DGKB: variants seen among roughly 807,000 people sequenced by gnomAD.
DGKB encodes diacylglycerol kinase beta.
A neutral mutation model predicts 114.3 loss-of-function variants in DGKB; 67 were observed. The observed-to-expected ratio is 0.59, with a 90% CI of 0.48 to 0.72. The LOEUF (loss-of-function observed/expected upper bound fraction) is 0.72, where lower values mean the gene tolerates loss of function less well. Among genes scored for constraint, DGKB ranks in the 30% least tolerant of loss-of-function variants. The pLI, the probability that DGKB is intolerant of heterozygous loss-of-function variation, is 0.00. For missense variants in DGKB, 907 were observed against 975.2 expected, an observed-to-expected ratio of 0.93 and a Z score of 0.93; for synonymous variants, 398 against 323.1, an observed-to-expected ratio of 1.23 and a Z score of -2.49.
chr7:14,161,277 C>G (rs1295874724), intron 25 of DGKB, among the ~76,000 whole-genome samples: 1 of 152,084 alleles, frequency 6.6e-6, no homozygotes, highest in Non-Finnish European at 1.5e-5. Context: ...GATCTAGAAC[C>G]AGAAATACCA....
intron 23 of DGKB, among the ~76,000 whole-genome samples, chr7:14,336,495 C>T (rs1810697466): frequency 6.6e-6 from 1 of 152,036 alleles, no homozygotes; most frequent in Admixed American, 6.6e-5. Context: ...TTAACTATTT[C>T]CCATCTGTGT....
intron 4 of DGKB, among the ~76,000 whole-genome samples, chr7:14,748,962 G>A (rs1021340031): frequency 3.3e-5 from 5 of 152,038 alleles, no homozygotes; most frequent in African/African-American, 1.2e-4. Flanking sequence ...CGCTTACTGG[G>A]CAAAGAACTC....
intron 23 of DGKB, among the ~76,000 whole-genome samples, chr7:14,266,233 CTGAT>C (rs1389809312): frequency 2.6e-5 from 4 of 152,180 alleles, no homozygotes. Context: ...TTATTTTTGA[CTGAT>C]TGATTCTAAG....
chr7:14,704,262 C>G (rs573910826), intron 6 of DGKB, among the ~76,000 whole-genome samples: 1 of 143,972 alleles, frequency 6.9e-6, no homozygotes, highest in African/African-American at 2.6e-5. Context: ...GGTGAAACCC[C>G]GTCTCTACTA....
intron 19 of DGKB, among the ~76,000 whole-genome samples, chr7:14,574,785 T>C (rs1023487541): frequency 6.6e-6 from 1 of 152,168 alleles, no homozygotes; most frequent in Non-Finnish European, 1.5e-5. Flanking sequence ...ATTTTAGACT[T>C]TTCCCTTTCC....
At chr7:14,814,936 C>T (rs2128088922) in intron 2 of DGKB, among the ~76,000 whole-genome samples, 1 of 152,202 alleles carries the variant, frequency 6.6e-6, no homozygotes, top group South Asian at 2.1e-4. Context: ...CTCTTTTATT[C>T]TGGCATTTTA....
chr7:14,233,507 G>T (rs1792239961), intron 23 of DGKB, among the ~76,000 whole-genome samples: 1 of 152,024 alleles, frequency 6.6e-6, no homozygotes, highest in African/African-American at 2.4e-5. Flanking sequence ...CCCACTGGCA[G>T]TCCACGCTCC....
intron 20 of DGKB, among the ~76,000 whole-genome samples, chr7:14,503,357 C>T (rs1270859994): frequency 1.3e-5 from 2 of 152,050 alleles, no homozygotes; most frequent in African/African-American, 4.8e-5. Context: ...ATCACATTTT[C>T]CCAAAGAGGA....
intron 7 of DGKB, among the ~76,000 whole-genome samples, chr7:14,700,110 GAAATGGCACCATA>G (rs1824859143): frequency 6.6e-6 from 1 of 151,878 alleles, no homozygotes; most frequent in South Asian, 2.1e-4. Flanking sequence ...TTCTAGTCGT[GAAATGGCACCATA>G]AAATGAGCAA....
At chr7:14,321,854 G>C (rs1807884112) in intron 23 of DGKB, among the ~76,000 whole-genome samples, 1 of 152,080 alleles carries the variant, frequency 6.6e-6, no homozygotes, top group African/African-American at 2.4e-5. Flanking sequence ...TACATAGAAA[G>C]TTATAAACCA....
At chr7:14,491,217 TG>T (rs1219371136) in intron 20 of DGKB, among the ~76,000 whole-genome samples, 1 of 152,064 alleles carries the variant, frequency 6.6e-6, no homozygotes, top group Non-Finnish European at 1.5e-5. Context: ...AATTTAATCA[TG>T]GGGGCTTTTT....
chr7:14,606,703 A>G (rs1226237349), intron 17 of DGKB, among the ~76,000 whole-genome samples: 1 of 152,060 alleles, frequency 6.6e-6, no homozygotes, highest in Non-Finnish European at 1.5e-5. Context: ...GGTCAATGAA[A>G]TAAAATGACA....
intron 21 of DGKB, among the ~76,000 whole-genome samples, chr7:14,477,518 C>A (rs557916290): frequency 6.6e-6 from 1 of 152,258 alleles, no homozygotes; most frequent in African/African-American, 2.4e-5. Context: ...TGGAGAGAGC[C>A]ATATTTCCTT....
intron 21 of DGKB, among the ~76,000 whole-genome samples, chr7:14,405,867 G>A (rs57813622): frequency 0.088 from 13,428 of 151,990 alleles, 1,126 homozygotes; most frequent in East Asian, 0.47. Flanking sequence ...CAAAGGAACC[G>A]AGGCAGGAAA....
intron 21 of DGKB, among the ~76,000 whole-genome samples, chr7:14,454,503 C>T (rs77323924): frequency 0.02 from 3,090 of 152,152 alleles, 125 homozygotes; most frequent in Admixed American, 0.091. Context: ...ACAAAGGTAG[C>T]TTCCACGTTC....
intron 1 of DGKB, among the ~76,000 whole-genome samples, chr7:14,878,864 TC>T (rs755816277): frequency 3.3e-5 from 5 of 152,130 alleles, no homozygotes; most frequent in Non-Finnish European, 7.4e-5. Context: ...TTCTATTGAA[TC>T]CATTGCAAAT....
In DGKB at chr7:14,177,876, C is replaced by A. The variant is rs12665984; in HGVS notation, c.2243+155G>T. The stretch of plus-strand genomic sequence containing the variant: ...ATAGCTAACCAATATTTTAGACAAT[C>A]TGCCAATGTCCATTATTTTGAAATA... On this transcript the variant is annotated intron_variant, in intron 24 of 25. Coordinates refer to ENST00000402815, the MANE Select transcript of DGKB (RefSeq NM_001350709.2). Among the ~76,000 whole-genome samples, 4 of 152,258 alleles carry A rather than the reference C, an allele frequency of 2.6e-5. No homozygotes were observed. The East Asian group carries it at 7.7e-4, about 29-fold the overall frequency.
chr7:14,494,806 T>C (rs1785070249), intron 20 of DGKB, among the ~76,000 whole-genome samples: 1 of 151,898 alleles, frequency 6.6e-6, no homozygotes, highest in Admixed American at 6.6e-5. Flanking sequence ...TTTCAAATTG[T>C]ATGTCTTTGT....
chr7:14,559,964 T>C, intron 20 of DGKB, among the ~76,000 whole-genome samples: 1 of 151,560 alleles, frequency 6.6e-6, no homozygotes, highest in African/African-American at 2.4e-5. Context: ...TCCCTCCCTT[T>C]CTCCCTCCCT....
Sources: allele counts gnomAD v4.1 joint callset (sites outside exome capture counted in the v4.1 genomes callset), GRCh38; gene constraint gnomAD v4.1.1; transcripts MANE v1.5; gene names NCBI Gene and HGNC (gene_info 2026-07-23, HGNC 2026-07-21).